The following CACNA1E variants were observed in gnomAD, a reference collection of about 807,000 sequenced individuals.
The protein encoded by CACNA1E is calcium voltage-gated channel subunit alpha1 E.
In CACNA1E, 40 loss-of-function variants were observed where a neutral mutation model predicts 259.2. That is an observed-to-expected ratio of 0.15 (90% CI 0.12 to 0.20). The LOEUF is 0.20. CACNA1E is among the 10% of genes least tolerant of loss of function. The pLI, the probability that CACNA1E is intolerant of heterozygous loss-of-function variation, is 1.00. For missense variants in CACNA1E, 1,874 were observed against 3,040.1 expected (o/e 0.62, Z 9.02); for synonymous variants, 1,104 against 1,138.5 (o/e 0.97, Z 0.61).
intron 6 of CACNA1E, among the ~76,000 whole-genome samples, chr1:181,641,696 A>ATTTTTTTTTTTTTTTTTTTTTTTTTT (rs1369217611): frequency 9.6e-6 from 1 of 104,084 alleles, no homozygotes; most frequent in African/African-American, 4.0e-5. Flanking sequence ...GGCAACACTA[A>ATTTTTTTTTTTTTTTTTTTTTTTTTT]TTTTTTGTTT....
At chr1:181,524,007 G>A (rs1667170754) in intron 3 of CACNA1E, among the ~76,000 whole-genome samples, 1 of 152,234 alleles carries the variant, frequency 6.6e-6, no homozygotes, top group African/African-American at 2.4e-5. Context: ...GCAAGCAGCT[G>A]TCATCCTTTT....
intron 1 of CACNA1E, among the ~76,000 whole-genome samples, chr1:181,335,089 C>T (rs187320691): frequency 5.2e-4 from 79 of 152,332 alleles, no homozygotes; most frequent in African/African-American, 1.7e-3. Context: ...GCTTGCCCCT[C>T]ACCACCTTCA....
intron 1 of CACNA1E, among the ~76,000 whole-genome samples, chr1:181,332,775 C>G (rs1023519930): frequency 6.6e-6 from 1 of 152,118 alleles, no homozygotes; most frequent in Non-Finnish European, 1.5e-5. Context: ...TCATAGAACC[C>G]TTTGAAAATC....
chr1:181,585,767 C>T (rs538326123), intron 6 of CACNA1E, among the ~76,000 whole-genome samples: 5 of 152,138 alleles, frequency 3.3e-5, no homozygotes, highest in East Asian at 1.9e-4. Context: ...GAGATGGGGA[C>T]GGGCTGGGTG....
intron 1 of CACNA1E, among the ~76,000 whole-genome samples, chr1:181,407,266 G>C (rs180883537): frequency 6.6e-6 from 1 of 152,142 alleles, no homozygotes; most frequent in Non-Finnish European, 1.5e-5. Flanking sequence ...TGCAGGGAGT[G>C]GGGGTGGGTC....
intron 3 of CACNA1E, among the ~76,000 whole-genome samples, chr1:181,561,377 G>A (rs1649311241): frequency 6.6e-6 from 1 of 152,034 alleles, no homozygotes; most frequent in East Asian, 1.9e-4. Context: ...GTATATAGTT[G>A]GCTAACTACT....
intron 6 of CACNA1E, among the ~76,000 whole-genome samples, chr1:181,636,161 G>A (rs1657190877): frequency 6.6e-6 from 1 of 152,148 alleles, no homozygotes; most frequent in African/African-American, 2.4e-5. Context: ...AACATCTAAT[G>A]TTTGTGGAGC....
At chr1:181,633,767 C>G (rs766214735) in intron 6 of CACNA1E, among the ~76,000 whole-genome samples, 3 of 152,204 alleles carry the variant, frequency 2.0e-5, no homozygotes, top group Non-Finnish European at 2.9e-5. Context: ...GTTGGGATTA[C>G]AGGCATGAGT....
chr1:181,636,478 T>TAG (rs1180282533), intron 6 of CACNA1E, among the ~76,000 whole-genome samples: 3 of 152,226 alleles, frequency 2.0e-5, no homozygotes, highest in African/African-American at 7.2e-5. Context: ...AGAATTGGCC[T>TAG]AGAGAAATTG....
intron 1 of CACNA1E, among the ~76,000 whole-genome samples, chr1:181,330,998 T>C: frequency 6.6e-6 from 1 of 152,176 alleles, no homozygotes; most frequent in East Asian, 1.9e-4. Context: ...AGCAGAGCTC[T>C]AGCTGGGCAC....
chr1:181,350,358 A>G lies in CACNA1E; in HGVS notation c.-15+32235A>G, dbSNP rs567127889. 3.9e-5 allele frequency among the ~76,000 whole-genome samples: 6 copies of G among 152,260 alleles called. No homozygotes were observed. In the East Asian group the frequency reaches 1.2e-3, roughly 29 times the overall value. On this transcript the variant is annotated intron_variant, in intron 1 of 11. Transcript: ENST00000524607. ...GGGTGGTTCCTGCAGCTGCTCCCCA[A>G]GAACAGGGCAAAAAGGAGATCAAGT...
intron 2 of CACNA1E, among the ~76,000 whole-genome samples, chr1:181,424,687 G>T (rs1021989773): frequency 2.0e-5 from 3 of 152,248 alleles, no homozygotes; most frequent in African/African-American, 7.2e-5. Context: ...AAAGCAGAGG[G>T]TTTCCATCTT....
At chr1:181,623,268 A>G (rs182085070) in intron 6 of CACNA1E, among the ~76,000 whole-genome samples, 1 of 152,344 alleles carries the variant, frequency 6.6e-6, no homozygotes, top group Admixed American at 6.5e-5. Context: ...TTTGGTATGT[A>G]TTATAGTGTA....
chr1:181,420,435 G>C (rs1658643225), intron 2 of CACNA1E, among the ~76,000 whole-genome samples: 1 of 152,154 alleles, frequency 6.6e-6, no homozygotes, highest in African/African-American at 2.4e-5. Flanking sequence ...TTTAGCAAGT[G>C]GGCATGTCAC....
intron 6 of CACNA1E, among the ~76,000 whole-genome samples, chr1:181,613,155 T>A (rs940388197): frequency 6.6e-6 from 1 of 152,176 alleles, no homozygotes; most frequent in African/African-American, 2.4e-5. Flanking sequence ...ATAAAAGTCA[T>A]GTGGTGATGT....
chr1:181,468,184 T>C (rs1662268504), intron 2 of CACNA1E, among the ~76,000 whole-genome samples: 2 of 152,198 alleles, frequency 1.3e-5, no homozygotes, highest in Non-Finnish European at 2.9e-5. Context: ...TTGAAAATGT[T>C]CCCCAATTTT....
chr1:181,637,894 T>C (rs1657385837), intron 6 of CACNA1E, among the ~76,000 whole-genome samples: 1 of 152,056 alleles, frequency 6.6e-6, no homozygotes, highest in Non-Finnish European at 1.5e-5. Context: ...TGAGCAATAG[T>C]GTAGACATAG....
chr1:181,574,232 G>A (rs924201784), intron 3 of CACNA1E, among the ~76,000 whole-genome samples: 1 of 152,152 alleles, frequency 6.6e-6, no homozygotes, highest in African/African-American at 2.4e-5. Context: ...AACCACCATG[G>A]CACACATTTA....
intron 3 of CACNA1E, among the ~76,000 whole-genome samples, chr1:181,514,968 TGAA>T (rs1666458786): frequency 6.6e-6 from 1 of 152,180 alleles, no homozygotes; most frequent in Non-Finnish European, 1.5e-5. Flanking sequence ...ATTTTACAGA[TGAA>T]GAAACCGAGG....
Sources: allele counts gnomAD v4.1 joint callset (sites outside exome capture counted in the v4.1 genomes callset), GRCh38; gene constraint gnomAD v4.1.1; transcripts MANE v1.5; gene names NCBI Gene and HGNC (gene_info 2026-07-23, HGNC 2026-07-21).